SLC39A11: variants seen among roughly 807,000 people sequenced by gnomAD.
SLC39A11 encodes the protein zinc transporter ZIP11.
Under a neutral mutation model 36.1 loss-of-function variants are expected in SLC39A11, and 33 were observed. The ratio of observed to expected loss-of-function variants is 0.91; its 90% CI spans 0.69 to 1.22. The LOEUF (loss-of-function observed/expected upper bound fraction) is 1.22, where lower values mean the gene tolerates loss of function less well. Among genes scored for constraint, SLC39A11 ranks in the 50% most tolerant of loss-of-function variants. The pLI, the probability that SLC39A11 is intolerant of heterozygous loss-of-function variation, is 0.00. For missense variants in SLC39A11, 432 were observed against 430.3 expected (o/e 1.00, Z -0.03); for synonymous variants, 166 against 170.3 (o/e 0.97, Z 0.20).
chr17:72,689,943 G>A lies in SLC39A11; in HGVS notation c.672-40675C>T, dbSNP rs568299198. On this transcript the variant is annotated intron_variant, in intron 7 of 9. Transcript: ENST00000255559. ...TTCCAAGTGGCTAATTTTACATTAT[G>A]AAAATTTCCAAAGTGGGGGATGTTC... is the stretch of plus-strand genomic sequence containing the variant. Among the ~76,000 whole-genome samples, 4 of 152,336 alleles carry A rather than the reference G, an allele frequency of 2.6e-5. No individual in the cohort carries two copies. In the East Asian group the frequency reaches 7.7e-4, roughly 29 times the overall value.
At chr17:72,677,789 CAGAGT>C (rs2071337460) in intron 7 of SLC39A11, among the ~76,000 whole-genome samples, 1 of 152,118 alleles carries the variant, frequency 6.6e-6, no homozygotes, top group South Asian at 2.1e-4. Context: ...TAGAACACAG[CAGAGT>C]AGAGGGCCAG....
chr17:72,748,094 GGTGGATCACCTGAGGTCAGGA>G (rs1182185841), intron 6 of SLC39A11, among the ~76,000 whole-genome samples: 1 of 152,214 alleles, frequency 6.6e-6, no homozygotes, highest in Non-Finnish European at 1.5e-5. Context: ...GGCCGAGGCG[GGTGGATCACCTGAGGTCAGGA>G]GTTCAAGACT....
At chr17:72,834,098 C>CTT (rs11449659) in intron 6 of SLC39A11, among the ~76,000 whole-genome samples, 5 of 151,790 alleles carry the variant, frequency 3.3e-5, no homozygotes, top group South Asian at 2.1e-4. Context: ...TGTGAAGTTA[C>CTT]TTTTTTTTGC....
intron 3 of SLC39A11, among the ~76,000 whole-genome samples, chr17:73,066,957 C>A (rs191270646): frequency 6.6e-6 from 1 of 152,190 alleles, no homozygotes; most frequent in Non-Finnish European, 1.5e-5. Context: ...ATCGTATATC[C>A]TTTGTACTAC....
rs147808573 is a variant in SLC39A11, at chr17:72,697,231, C to T, written c.671+39419G>A. Among the ~76,000 whole-genome samples the T allele has an allele frequency of 1.4e-4, 21 of 152,228 alleles. No homozygotes were observed. The East Asian group carries it at 1.9e-3, about 14-fold the overall frequency. ...CTGAGTAGTTGGGACTACAAGTGCA[C>T]GCCACCACTTCTGGCTAATTTTTGT... On this transcript the variant is annotated intron_variant, in intron 7 of 9. Transcript: ENST00000255559.
intron 5 of SLC39A11, among the ~76,000 whole-genome samples, chr17:72,913,777 G>A (rs1223091592): frequency 1.9e-5 from 1 of 51,364 alleles, no homozygotes; most frequent in African/African-American, 1.1e-4. Context: ...GAGAACCAGG[G>A]TATCTGATAG....
At chr17:72,980,555 C>T (rs2088223429) in intron 4 of SLC39A11, among the ~76,000 whole-genome samples, 1 of 152,120 alleles carries the variant, frequency 6.6e-6, no homozygotes, top group South Asian at 2.1e-4. Context: ...CAAGCTGATG[C>T]TAAAGTTCAC....
intron 5 of SLC39A11, among the ~76,000 whole-genome samples, chr17:72,875,425 G>A (rs999858477): frequency 5.3e-5 from 8 of 152,164 alleles, no homozygotes; most frequent in African/African-American, 1.9e-4. Flanking sequence ...CCTACCTGAG[G>A]ACTTCCCAGG....
At chr17:73,043,617 A>G (rs1027214893) in intron 3 of SLC39A11, among the ~76,000 whole-genome samples, 16 of 152,140 alleles carry the variant, frequency 1.1e-4, no homozygotes, top group Admixed American at 5.2e-4. Context: ...AGCAAGCAGA[A>G]TTGATTTAAG....
At chr17:73,056,695 C>G (rs886558249) in intron 3 of SLC39A11, among the ~76,000 whole-genome samples, 2 of 152,036 alleles carry the variant, frequency 1.3e-5, no homozygotes, top group Non-Finnish European at 2.9e-5. Flanking sequence ...GGGAAGGTTA[C>G]GAGAAGACAG....
chr17:72,873,893 A>G (rs1470055396), intron 5 of SLC39A11, among the ~76,000 whole-genome samples: 1 of 152,060 alleles, frequency 6.6e-6, no homozygotes, highest in Non-Finnish European at 1.5e-5. Flanking sequence ...CCCCCATGCT[A>G]TTCTCGTGAT....
intron 3 of SLC39A11, among the ~76,000 whole-genome samples, chr17:73,066,445 T>C (rs1239305460): frequency 1.3e-5 from 2 of 152,224 alleles, no homozygotes; most frequent in Non-Finnish European, 2.9e-5. Flanking sequence ...ATTTACAGTC[T>C]GTTAACTACC....
chr17:72,797,407 G>C (rs1030906484), intron 6 of SLC39A11, among the ~76,000 whole-genome samples: 6 of 152,042 alleles, frequency 3.9e-5, no homozygotes, highest in Admixed American at 3.3e-4. Context: ...AAAGGCACTT[G>C]AGTGTCTCTC....
intron 3 of SLC39A11, among the ~76,000 whole-genome samples, chr17:73,067,483 G>A (rs901012794): frequency 2.6e-5 from 4 of 152,168 alleles, no homozygotes; most frequent in African/African-American, 9.7e-5. Flanking sequence ...TATTTTCCCA[G>A]CCATGGTCTC....
intron 4 of SLC39A11, among the ~76,000 whole-genome samples, chr17:72,995,773 C>A (rs2089469461): frequency 6.6e-6 from 1 of 152,218 alleles, no homozygotes; most frequent in African/African-American, 2.4e-5. Flanking sequence ...AATTACACCA[C>A]TGGCTTTCCT....
At chr17:72,816,624 T>C (rs1184560450) in intron 6 of SLC39A11, among the ~76,000 whole-genome samples, 2 of 152,076 alleles carry the variant, frequency 1.3e-5, no homozygotes, top group African/African-American at 4.8e-5. Context: ...AGGCTCCTAA[T>C]CCCCTCACTC....
chr17:72,758,267 G>A (rs1015122401), intron 6 of SLC39A11, among the ~76,000 whole-genome samples: 1 of 152,152 alleles, frequency 6.6e-6, no homozygotes, highest in African/African-American at 2.4e-5. Context: ...TATAAGAAAG[G>A]TCTGGAAGAC....
At chr17:73,000,609 T>C (rs1488276644) in intron 4 of SLC39A11, among the ~76,000 whole-genome samples, 4 of 152,202 alleles carry the variant, frequency 2.6e-5, no homozygotes, top group Non-Finnish European at 4.4e-5. Flanking sequence ...AGCTACTTGG[T>C]ATCCTTAATA....
chr17:72,761,363 C>T (rs2075572204), intron 6 of SLC39A11, among the ~76,000 whole-genome samples: 1 of 152,156 alleles, frequency 6.6e-6, no homozygotes, highest in African/African-American at 2.4e-5. Flanking sequence ...GATCCGCCCC[C>T]CTCGGCCTCC....
Sources: allele counts gnomAD v4.1 joint callset (sites outside exome capture counted in the v4.1 genomes callset), GRCh38; gene constraint gnomAD v4.1.1; transcripts MANE v1.5; gene names NCBI Gene and HGNC (gene_info 2026-07-23, HGNC 2026-07-21).